Variants in EPB41L1 observed in about 807,000 individuals in gnomAD.
EPB41L1 encodes erythrocyte membrane protein band 4.1 like 1, also known as band 4.1-like protein 1.
A neutral mutation model predicts 97.8 loss-of-function variants in EPB41L1; 29 were observed. That is an observed-to-expected ratio of 0.30 (90% CI 0.22 to 0.40). The LOEUF (loss-of-function observed/expected upper bound fraction) is 0.40. Among genes scored for constraint, EPB41L1 ranks in the 10% least tolerant of loss-of-function variants. EPB41L1 has a pLI of 1.00. For synonymous variants in EPB41L1, 383 were observed against 459.2 expected (o/e 0.83, Z 2.12); for missense variants, 812 against 1,162.3 (o/e 0.70, Z 4.38).
At chr20:36,185,022 A>G in intron 6 of EPB41L1, 95 bp from the exon 7 acceptor site, 1 of 1,237,770 alleles carries the variant, frequency 8.1e-7, no homozygotes, top group South Asian at 1.2e-5. Flanking sequence ...TTTTCTGCTG[A>G]GCTATGTTCT....
chr20:36,125,511 C>T, intron 2 of EPB41L1: 5 of 1,509,228 alleles, frequency 3.3e-6, no homozygotes, highest in Non-Finnish European at 4.5e-6. Flanking sequence ...CTAGCACCTA[C>T]TGAGCGCTCA....
At chr20:36,103,273 G>A (rs1262807838) in intron 1 of EPB41L1, among the ~76,000 whole-genome samples, 1 of 152,230 alleles carries the variant, frequency 6.6e-6, no homozygotes, top group African/African-American at 2.4e-5. Context: ...GCATGGGGCT[G>A]TGCACAGAAC....
rs543539994 is a variant in EPB41L1, at chr20:36,120,021, C to T, written c.-10+7541C>T. On this transcript the variant is annotated intron_variant, in intron 2 of 19. Transcript: ENST00000202028. ...TCCTTGCTTCATCACTCCAAGTAGC[C>T]CTCCTCAGTCTGAGTCCACCCCTGA... 3.3e-5 allele frequency among the ~76,000 whole-genome samples: 5 copies of T among 152,160 alleles called. No individual in the cohort carries two copies. The South Asian group carries it at 1.0e-3, about 32-fold the overall frequency.
In EPB41L1 at chr20:36,207,493, A is replaced by G. The variant is rs1452450184; in HGVS notation, c.1669-1995A>G. ...GACCCACGGAGCTGAAACTCGCCGA[A>G]TGAGTGAGGGTGAAGCAAGGTCCCT... On this transcript the variant is annotated intron_variant, in intron 14 of 21. Coordinates refer to ENST00000338074, the MANE Select transcript of EPB41L1 (RefSeq NM_012156.2). This position sits in a 1 kb window ranked among gnomAD's most constrained non-coding sequence, Gnocchi z 4.9. The G allele has an allele frequency of 3.9e-6, 5 of 1,289,872 alleles. No homozygotes were observed. In the Admixed American group the frequency reaches 9.2e-5, roughly 24 times the overall value. 79.9% of individuals were successfully genotyped at this position (1,289,872 alleles called of 1,614,324 possible).
Position 36,190,918 on chromosome 20 carries a change from C to T in EPB41L1, c.1300+121C>T, listed in dbSNP as rs2146347986. 1 of 1,368,410 alleles carries T rather than the reference C, an allele frequency of 7.3e-7. No homozygotes were observed. The highest frequency in any genetic ancestry group is 1.2e-5 in the South Asian group (1 of 80,008). 84.8% of individuals were successfully genotyped at this position (1,368,410 alleles called of 1,614,324 possible). On this transcript the variant is annotated intron_variant, in intron 11 of 21. Coordinates refer to ENST00000338074, the MANE Select transcript of EPB41L1 (RefSeq NM_012156.2). This position sits in a 1 kb window ranked among gnomAD's most constrained non-coding sequence, Gnocchi z 5.8. ...TAGATGCATCCCAAGTTCATCTGCA[C>T]CAGGCTGGCCCCTCAAGACCAGTGC...
intron 13 of EPB41L1, 63 bp from the exon 14 acceptor site, chr20:36,197,796 G>T: frequency 6.2e-7 from 1 of 1,613,292 alleles, no homozygotes; most frequent in Non-Finnish European, 8.5e-7. Context: ...CATCATCCCT[G>T]CACCCTGCAT....
At position 36,190,937 on chromosome 20, in the gene EPB41L1, C is replaced by A; in HGVS notation, c.1300+140C>A. The stretch of plus-strand genomic sequence containing the variant: ...TCTGCACCAGGCTGGCCCCTCAAGA[C>A]CAGTGCTGTCCCTGGGCAGCTCTTG... On this transcript the variant is annotated intron_variant, in intron 11 of 21. Coordinates refer to ENST00000338074, the MANE Select transcript of EPB41L1 (RefSeq NM_012156.2). The surrounding 1 kb of genome is among the most constrained non-coding windows in gnomAD (Gnocchi z 5.8). 1.7e-6 allele frequency: 2 copies of A among 1,199,410 alleles called. No individual in the cohort carries two copies. Among genetic ancestry groups the A allele is most frequent in the Non-Finnish European group, 2.4e-6 (2 of 842,818 alleles). 74.3% of individuals were successfully genotyped at this position (1,199,410 alleles called of 1,614,324 possible).
intron 1 of EPB41L1, among the ~76,000 whole-genome samples, chr20:36,094,914 G>T (rs1221174068): frequency 6.6e-6 from 1 of 151,086 alleles, no homozygotes; most frequent in Non-Finnish European, 1.5e-5. Context: ...TGATTCTCCC[G>T]CCTCAGCCTC....
At chr20:36,191,867 T>C (rs184276590) in intron 11 of EPB41L1, among the ~76,000 whole-genome samples, 84 of 152,304 alleles carry the variant, frequency 5.5e-4, no homozygotes, top group African/African-American at 1.9e-3. Context: ...CTGTGGCACA[T>C]AGTAGCACCT....
At position 36,195,262 on chromosome 20, in the gene EPB41L1, T is replaced by A; in HGVS notation, c.1450-67T>A. The A allele has an allele frequency of 6.3e-7, 1 of 1,598,150 alleles. No individual in the cohort carries two copies. Among genetic ancestry groups the A allele is most frequent in the African/African-American group, 1.3e-5 (1 of 74,660 alleles). The stretch of plus-strand genomic sequence containing the variant: ...GCTCCTTGCTGGACCAAGCCCATCG[T>A]GGTATCTCTAATCCATCTGCTCTAC... On this transcript the variant is annotated intron_variant, in intron 12 of 21. Transcript: ENST00000338074. The surrounding 1 kb of genome is among the most constrained non-coding windows in gnomAD (Gnocchi z 4.6).
intron 1 of EPB41L1, among the ~76,000 whole-genome samples, chr20:36,103,280 G>A (rs963551646): frequency 6.6e-6 from 1 of 152,196 alleles, no homozygotes; most frequent in African/African-American, 2.4e-5. Context: ...GCTGTGCACA[G>A]AACAAGTTCT....
Position 36,206,520 on chromosome 20 carries a change from AC to A in EPB41L1, c.1669-2964del. ...ACTCAGAAGACCAAGTCCTCCCTCC[AC>A]CCCTGGAGGAGAGAAAAGGGCGCCT... On this transcript the variant is annotated intron_variant, in intron 14 of 21. Transcript: ENST00000338074. The surrounding 1 kb of genome is among the most constrained non-coding windows in gnomAD (Gnocchi z 5.5). 1 of 1,289,624 alleles carries A rather than the reference AC, an allele frequency of 7.8e-7. No individual in the cohort carries two copies. The highest frequency in any genetic ancestry group is 1.0e-6 in the Non-Finnish European group (1 of 988,810). 79.9% of individuals were successfully genotyped at this position (1,289,624 alleles called of 1,614,324 possible). A position where few individuals can be genotyped will look rare whatever the true frequency, so the allele number is the denominator to read the frequency against.
At chr20:36,168,568 G>C (rs376391720) in intron 1 of EPB41L1, among the ~76,000 whole-genome samples, 1 of 149,426 alleles carries the variant, frequency 6.7e-6, no homozygotes, top group African/African-American at 2.5e-5. Context: ...GTCTTCCTCT[G>C]TTGACAGGCT....
intron 1 of EPB41L1, among the ~76,000 whole-genome samples, chr20:36,108,724 A>G (rs1249991916): frequency 6.6e-6 from 1 of 152,198 alleles, no homozygotes; most frequent in East Asian, 1.9e-4. Flanking sequence ...TAAATTACAT[A>G]TGTGGCTCGC....
At chr20:36,135,636 C>T (rs1443767785) in intron 2 of EPB41L1, among the ~76,000 whole-genome samples, 1 of 152,240 alleles carries the variant, frequency 6.6e-6, no homozygotes, top group Admixed American at 6.5e-5. Context: ...CTTCCTGCTT[C>T]CCTCTACATA....
chr20:36,194,152 CT>C (rs1177059589), intron 11 of EPB41L1, 59 bp from the exon 12 acceptor site: 1 of 1,610,064 alleles, frequency 6.2e-7, no homozygotes, highest in Non-Finnish European at 8.5e-7. Context: ...TGGGCTGGTT[CT>C]CTGTCTGTTC....
intron 1 of EPB41L1, among the ~76,000 whole-genome samples, chr20:36,169,729 A>G (rs1041532142): frequency 2.6e-5 from 4 of 152,096 alleles, no homozygotes; most frequent in African/African-American, 9.7e-5. Flanking sequence ...CCTTTTTTCA[A>G]CACCTAATTC....
chr20:36,127,393 G>T (rs1488053750), intron 2 of EPB41L1, among the ~76,000 whole-genome samples: 1 of 152,146 alleles, frequency 6.6e-6, no homozygotes, highest in Non-Finnish European at 1.5e-5. Flanking sequence ...GAATGGAAGG[G>T]CCTCTCTTCT....
intron 1 of EPB41L1, among the ~76,000 whole-genome samples, chr20:36,102,961 C>T (rs1221905208): frequency 2.0e-5 from 3 of 152,172 alleles, no homozygotes; most frequent in Non-Finnish European, 4.4e-5. Flanking sequence ...TTTGCCCTAG[C>T]TCCCTCTGTT....
Sources: gnomAD v4.1 joint callset for allele counts (sites outside exome capture counted in the v4.1 genomes callset) on GRCh38, gnomAD v4.1.1 for gene constraint, Gnocchi (gnomAD v3.1) non-coding constraint, MANE v1.5 for transcripts, NCBI Gene and HGNC (gene_info 2026-07-23, HGNC 2026-07-21) for gene names.